The following KCNB2 variants were observed in gnomAD, a reference collection of about 807,000 sequenced individuals.
KCNB2 encodes potassium voltage-gated channel subfamily B member 2.
A neutral mutation model predicts 61.5 loss-of-function variants in KCNB2; 15 were observed. That is an observed-to-expected ratio of 0.24 (90% CI 0.16 to 0.38). The LOEUF is 0.38. Ranked by LOEUF, KCNB2 falls within the 10% of genes least tolerant of loss-of-function variation. The pLI is 1.00. For missense variants in KCNB2, 828 were observed against 1,125.2 expected, an observed-to-expected ratio of 0.74 and a Z score of 3.78; for synonymous variants, 457 against 446.0, an observed-to-expected ratio of 1.02 and a Z score of -0.31.
intron 2 of KCNB2, among the ~76,000 whole-genome samples, chr8:72,903,895 A>T (rs898181314): frequency 8.5e-5 from 13 of 152,154 alleles, no homozygotes; most frequent in African/African-American, 3.1e-4. Flanking sequence ...TGGACAAGAC[A>T]CAACTTTTTG....
At chr8:72,582,329 A>G (rs1806914924) in intron 2 of KCNB2, among the ~76,000 whole-genome samples, 3 of 152,170 alleles carry the variant, frequency 2.0e-5, no homozygotes, top group Admixed American at 6.5e-5. Flanking sequence ...AAGGCATCCC[A>G]TTTCTACGGG....
At chr8:72,817,116 A>AG (rs992098871) in intron 2 of KCNB2, among the ~76,000 whole-genome samples, 7 of 152,148 alleles carry the variant, frequency 4.6e-5, no homozygotes, top group African/African-American at 1.2e-4. Flanking sequence ...CCAGGAGGGT[A>AG]GGGGGGCAAC....
At chr8:72,573,630 T>C (rs1471239932) in intron 2 of KCNB2, among the ~76,000 whole-genome samples, 1 of 150,170 alleles carries the variant, frequency 6.7e-6, no homozygotes, top group Non-Finnish European at 1.5e-5. Context: ...CGCAGTGCTA[T>C]CCTCTACATT....
chr8:72,719,567 C>T (rs1396007096), intron 2 of KCNB2, among the ~76,000 whole-genome samples: 3 of 152,042 alleles, frequency 2.0e-5, no homozygotes, highest in African/African-American at 7.2e-5. Context: ...AAAAAAAACT[C>T]TAGATTACCT....
chr8:72,748,380 C>A (rs1293115221), intron 2 of KCNB2, among the ~76,000 whole-genome samples: 1 of 152,116 alleles, frequency 6.6e-6, no homozygotes, highest in African/African-American at 2.4e-5. Flanking sequence ...TTTCTCTGTT[C>A]TGGATGATTG....
At chr8:72,657,832 G>A (rs575982189) in intron 2 of KCNB2, among the ~76,000 whole-genome samples, 8 of 152,104 alleles carry the variant, frequency 5.3e-5, no homozygotes, top group Admixed American at 1.3e-4. Context: ...TTTATATAAC[G>A]TATATCTAAA....
chr8:72,545,311 C>A (rs1321808172), intron 1 of KCNB2, among the ~76,000 whole-genome samples: 1 of 152,166 alleles, frequency 6.6e-6, no homozygotes, highest in African/African-American at 2.4e-5. Flanking sequence ...TTAACAGATG[C>A]TGCGATTTTC....
chr8:72,837,834 T>A (rs56372725), intron 2 of KCNB2, among the ~76,000 whole-genome samples: 28 of 128,868 alleles, frequency 2.2e-4, no homozygotes, highest in South Asian at 7.4e-4. Context: ...AATCCTTTTT[T>A]TAAAAAAAAA....
At chr8:72,919,653 A>G (rs1216623090) in intron 2 of KCNB2, among the ~76,000 whole-genome samples, 1 of 152,216 alleles carries the variant, frequency 6.6e-6, no homozygotes, top group Non-Finnish European at 1.5e-5. Context: ...TGACAAACTG[A>G]TTGCATTCGA....
chr8:72,872,031 T>C (rs1477799889), intron 2 of KCNB2, among the ~76,000 whole-genome samples: 16 of 152,170 alleles, frequency 1.1e-4, no homozygotes, highest in Admixed American at 1.0e-3. Context: ...TTCTTCATGC[T>C]CTTTTCTCAG....
chr8:72,645,339 C>A (rs1000856419), intron 2 of KCNB2, among the ~76,000 whole-genome samples: 2 of 152,052 alleles, frequency 1.3e-5, no homozygotes, highest in Admixed American at 6.6e-5. Flanking sequence ...GGTTGGAATC[C>A]CTTGGCATCA....
chr8:72,539,100 A>C (rs1359006337), intron 1 of KCNB2, among the ~76,000 whole-genome samples: 1 of 152,090 alleles, frequency 6.6e-6, no homozygotes, highest in Non-Finnish European at 1.5e-5. Context: ...AATAAATATA[A>C]AGTTGTCCAA....
At chr8:72,644,332 A>T (rs1393108809) in intron 2 of KCNB2, among the ~76,000 whole-genome samples, 1 of 152,060 alleles carries the variant, frequency 6.6e-6, no homozygotes, top group African/African-American at 2.4e-5. Context: ...CTGCTGAGTG[A>T]TATTAGCTGG....
In KCNB2 at chr8:72,656,385, C is replaced by T. The variant is rs140249823; in HGVS notation, c.579+88072C>T. 5.4e-4 allele frequency among the ~76,000 whole-genome samples: 82 copies of T among 152,126 alleles called. 1 individual carries two copies. The highest frequency in any genetic ancestry group is 1.9e-3 in the African/African-American group (77 of 41,502). On this transcript the variant is annotated intron_variant, in intron 2 of 2. Coordinates refer to ENST00000523207, the MANE Select transcript of KCNB2 (RefSeq NM_004770.3). ...TGCCTGTCTAATTCATTCAGAAAGC[C>T]CCAAGGCAGAAACCTGTTTACTCTA...
chr8:72,822,388 A>C (rs1257243045), intron 2 of KCNB2, among the ~76,000 whole-genome samples: 1 of 152,238 alleles, frequency 6.6e-6, no homozygotes, highest in African/African-American at 2.4e-5. Context: ...GACAAGACAC[A>C]GATAGGAAAG....
intron 2 of KCNB2, among the ~76,000 whole-genome samples, chr8:72,928,051 CATAA>C (rs774870114): frequency 1.7e-4 from 26 of 152,116 alleles, no homozygotes; most frequent in Non-Finnish European, 3.4e-4. Flanking sequence ...TGAATAGAGC[CATAA>C]ATACTCTGGT....
At chr8:72,598,673 A>G (rs1261120751) in intron 2 of KCNB2, among the ~76,000 whole-genome samples, 2 of 152,250 alleles carry the variant, frequency 1.3e-5, no homozygotes, top group African/African-American at 4.8e-5. Context: ...CCCTGTTTGC[A>G]GATGACATGA....
At chr8:72,908,276 C>T (rs1008596624) in intron 2 of KCNB2, among the ~76,000 whole-genome samples, 4 of 152,102 alleles carry the variant, frequency 2.6e-5, no homozygotes, top group African/African-American at 9.7e-5. Context: ...CATCCCTGAC[C>T]TTCTAGTTTA....
chr8:72,585,222 A>G (rs1042190756), intron 2 of KCNB2, among the ~76,000 whole-genome samples: 1 of 152,220 alleles, frequency 6.6e-6, no homozygotes, highest in Non-Finnish European at 1.5e-5. Flanking sequence ...ACTATAGACA[A>G]GAGATGCAAT....
Sources: gnomAD v4.1 joint callset for allele counts (sites outside exome capture counted in the v4.1 genomes callset) on GRCh38, gnomAD v4.1.1 for gene constraint, MANE v1.5 for transcripts, NCBI Gene and HGNC (gene_info 2026-07-23, HGNC 2026-07-21) for gene names.